Variants in BCAS3 observed in about 807,000 individuals in gnomAD.
BCAS3 encodes BCAS3 microtubule associated cell migration factor.
Under a neutral mutation model 116.1 loss-of-function variants are expected in BCAS3, and 53 were observed. The observed-to-expected ratio is 0.46, with a 90% CI of 0.37 to 0.57. The LOEUF (loss-of-function observed/expected upper bound fraction) is 0.57. BCAS3 is among the 20% of genes least tolerant of loss of function. BCAS3 has a pLI of 0.00. For synonymous variants in BCAS3, 391 were observed against 408.2 expected (o/e 0.96, Z 0.51); for missense variants, 917 against 1,165.4 (o/e 0.79, Z 3.10).
In BCAS3 at chr17:61,128,788, CT is replaced by C. The variant is rs2076178348; in HGVS notation, c.2425+44228del. 6.6e-6 allele frequency among the ~76,000 whole-genome samples: 1 copy of C among 152,092 alleles called. No homozygotes were observed. The highest frequency in any genetic ancestry group is 1.5e-5 in the Non-Finnish European group (1 of 68,012). On this transcript the variant is annotated intron_variant, in intron 22 of 23. Coordinates refer to ENST00000407086, the MANE Select transcript of BCAS3 (RefSeq NM_017679.5). This position sits in a 1 kb window ranked among gnomAD's most constrained non-coding sequence, Gnocchi z 4.1. ...TCCCCCAGGAAAAAAAAATCGGCAACTTTTGGTCTGTCACAAGGTCAAGTGA... is the reference window on the plus strand; with the variant it reads ...TCCCCCAGGAAAAAAAAATCGGCAACTTTGGTCTGTCACAAGGTCAAGTGA...
intron 6 of BCAS3, among the ~76,000 whole-genome samples, chr17:60,785,765 T>A (rs1051983717): frequency 1.3e-5 from 2 of 152,232 alleles, no homozygotes; most frequent in East Asian, 3.8e-4. Context: ...AAATCTCTGC[T>A]GTATTTAACA....
intron 22 of BCAS3, among the ~76,000 whole-genome samples, chr17:61,234,857 T>C (rs1341035830): frequency 6.6e-6 from 1 of 151,362 alleles, no homozygotes; most frequent in Non-Finnish European, 1.5e-5. Context: ...CACAAAGCAC[T>C]AGGCTTTGTC....
chr17:61,171,370 A>C lies in BCAS3; in HGVS notation c.2425+86806A>C, dbSNP rs1262365177. Among the ~76,000 whole-genome samples the C allele has an allele frequency of 3.3e-5, 5 of 151,922 alleles. No homozygotes were observed. The highest frequency in any genetic ancestry group is 1.3e-4 in the Admixed American group (2 of 15,248). Reference sequence around the variant, plus strand: ...AACAACACATGGGAACCAAAAAGAAAAAAATGGAACAAAGAATAAATGTAT... The same window carrying C: ...AACAACACATGGGAACCAAAAAGAACAAAATGGAACAAAGAATAAATGTAT... On this transcript the variant is annotated intron_variant, in intron 22 of 23. Transcript: ENST00000407086. This position sits in a 1 kb window ranked among gnomAD's most constrained non-coding sequence, Gnocchi z 4.1.
chr17:61,386,264 C>T (rs1311142783), intron 23 of BCAS3, among the ~76,000 whole-genome samples: 1 of 152,204 alleles, frequency 6.6e-6, no homozygotes, highest in East Asian at 1.9e-4. Flanking sequence ...CTAAACGCCT[C>T]CACCAACATG....
At chr17:60,687,493 A>G (rs900616162) in intron 3 of BCAS3, among the ~76,000 whole-genome samples, 4 of 152,150 alleles carry the variant, frequency 2.6e-5, no homozygotes, top group East Asian at 1.9e-4. Context: ...AGTCCCAGCT[A>G]TTTGGGAGGC....
rs1156471461 is a variant in BCAS3 at position 61,363,553 on chromosome 17, CTT to C, written c.2426-4758_2426-4757del. Among the ~76,000 whole-genome samples, 261 of 139,698 alleles carry C rather than the reference CTT, an allele frequency of 1.9e-3. 1 individual carries two copies. Among genetic ancestry groups the C allele is most frequent in the African/African-American group, 3.8e-3 (147 of 38,292 alleles). 91.6% of individuals were successfully genotyped at this position (139,698 alleles called of 152,430 possible). On this transcript the variant is annotated intron_variant, in intron 22 of 23. Coordinates refer to ENST00000407086, the MANE Select transcript of BCAS3 (RefSeq NM_017679.5). This position sits in a 1 kb window ranked among gnomAD's most constrained non-coding sequence, Gnocchi z 4.9. The stretch of plus-strand genomic sequence containing the variant: ...GTTTGGTGAAGTCACATAAGCTCCT[CTT>C]TTTTTTTTTTTTTTTAACTCACTCT...
chr17:61,003,875 T>C (rs2064457189), intron 15 of BCAS3: 1 of 152,170 alleles, frequency 6.6e-6, no homozygotes, highest in Admixed American at 6.6e-5. Context: ...CTTATAGGTA[T>C]CAGTGGTCTA....
chr17:60,964,398 T>C lies in BCAS3; in HGVS notation c.1221+17046T>C, dbSNP rs2061557387. 1.3e-5 allele frequency among the ~76,000 whole-genome samples: 2 copies of C among 152,334 alleles called. No homozygotes were observed. Among genetic ancestry groups the C allele is most frequent in the Middle Eastern group, 6.8e-3 (2 of 294 alleles). The stretch of plus-strand genomic sequence containing the variant: ...CTGGAATGAATCCCATTTGATATTA[T>C]AAATGATCTTTTTAGTGTGTTGTTG... On this transcript the variant is annotated intron_variant, in intron 14 of 23. Coordinates refer to ENST00000407086, the MANE Select transcript of BCAS3 (RefSeq NM_017679.5). This position sits in a 1 kb window ranked among gnomAD's most constrained non-coding sequence, Gnocchi z 4.6.
In BCAS3 at chr17:60,990,772, G is replaced by A. The variant is rs931174730; in HGVS notation, c.1486+537G>A. On this transcript the variant is annotated intron_variant, in intron 15 of 23. Coordinates refer to ENST00000407086, the MANE Select transcript of BCAS3 (RefSeq NM_017679.5). This position sits in a 1 kb window ranked among gnomAD's most constrained non-coding sequence, Gnocchi z 5.1. ...AGCAATTCTCCTGCCTCAGCCTCCC[G>A]AGCAGCTGGGATTACAGGCATCCGC... Among the ~76,000 whole-genome samples the A allele has an allele frequency of 3.3e-5, 5 of 151,532 alleles. No homozygotes were observed. The highest frequency in any genetic ancestry group is 3.9e-4 in the East Asian group (2 of 5,152).
intron 15 of BCAS3, among the ~76,000 whole-genome samples, chr17:60,991,579 A>C (rs1364763837): frequency 1.3e-5 from 2 of 152,166 alleles, no homozygotes; most frequent in African/African-American, 4.8e-5. Flanking sequence ...AAGATTGGGG[A>C]ATCTTATATA....
Position 61,220,168 on chromosome 17 carries a change from C to T in BCAS3, c.2425+135604C>T, listed in dbSNP as rs139804123. On this transcript the variant is annotated intron_variant, in intron 22 of 23. Coordinates refer to ENST00000407086, the MANE Select transcript of BCAS3 (RefSeq NM_017679.5). This position sits in a 1 kb window ranked among gnomAD's most constrained non-coding sequence, Gnocchi z 4.5. ...AATTAGCCAGGCGTGGTGGCAGGCG[C>T]CTCTAATCCCAGCTACTCAGGAGGC... Among the ~76,000 whole-genome samples the T allele has an allele frequency of 5.1e-4, 78 of 152,210 alleles. 1 individual carries two copies. In the East Asian group the frequency reaches 0.015, roughly 29 times the overall value.
intron 12 of BCAS3, among the ~76,000 whole-genome samples, chr17:60,911,705 G>C (rs1386628910): frequency 6.6e-6 from 1 of 152,194 alleles, no homozygotes; most frequent in Non-Finnish European, 1.5e-5. Context: ...AAAATGCTAG[G>C]ATTACAGGCA....
intron 6 of BCAS3, among the ~76,000 whole-genome samples, chr17:60,795,222 C>T (rs972647793): frequency 3.3e-5 from 5 of 152,002 alleles, no homozygotes; most frequent in Admixed American, 6.6e-5. Flanking sequence ...TCTTCTTGGT[C>T]GCTGTTGGTG....
In BCAS3 at chr17:60,697,582, CAAAA is replaced by C. The variant is rs758307797; in HGVS notation, c.214+7839_214+7842del. 4.6e-3 allele frequency among the ~76,000 whole-genome samples: 274 copies of C among 59,010 alleles called. 2 individuals are homozygous for C. The highest frequency in any genetic ancestry group is 0.012 in the African/African-American group (255 of 21,026). The allele number at this position is 59,010 out of a possible 152,430, so 38.7% of individuals were successfully genotyped here. A position where few individuals can be genotyped will look rare whatever the true frequency, so the allele number is the denominator to read the frequency against. On this transcript the variant is annotated intron_variant, in intron 4 of 23. Coordinates refer to ENST00000407086, the MANE Select transcript of BCAS3 (RefSeq NM_017679.5). ...TGGGTGACAGAGTGAGACTCTGTCT[CAAAA>C]AAAAAAAAAAAAAAAAAGATTCGGT...
intron 22 of BCAS3, among the ~76,000 whole-genome samples, chr17:61,194,849 T>G (rs2080382183): frequency 6.6e-6 from 1 of 152,152 alleles, no homozygotes; most frequent in Non-Finnish European, 1.5e-5. Flanking sequence ...TTAGGAAATA[T>G]CTTCACTTTC....
chr17:61,025,475 TA>T (rs2145569587), intron 16 of BCAS3, among the ~76,000 whole-genome samples: 1 of 152,178 alleles, frequency 6.6e-6, no homozygotes, highest in South Asian at 2.1e-4. Context: ...AACATTGAAA[TA>T]AAAATAGTAA....
At chr17:61,183,419 A>G (rs1348316091) in intron 22 of BCAS3, among the ~76,000 whole-genome samples, 2 of 151,922 alleles carry the variant, frequency 1.3e-5, no homozygotes, top group Non-Finnish European at 2.9e-5. Context: ...TATTCAATGT[A>G]ATATATTTTT....
chr17:60,778,468 T>C (rs2045509581), intron 6 of BCAS3, among the ~76,000 whole-genome samples: 1 of 152,224 alleles, frequency 6.6e-6, no homozygotes, highest in Non-Finnish European at 1.5e-5. Context: ...AATAAATCCT[T>C]ATTTTCAAAT....
At chr17:60,889,181 A>G (rs1213685351) in intron 9 of BCAS3, among the ~76,000 whole-genome samples, 1 of 152,224 alleles carries the variant, frequency 6.6e-6, no homozygotes, top group Non-Finnish European at 1.5e-5. Context: ...GTTCCCTAAC[A>G]TCTTTCTGTG....
Sources: allele counts gnomAD v4.1 joint callset (sites outside exome capture counted in the v4.1 genomes callset), GRCh38; gene constraint gnomAD v4.1.1; non-coding constraint Gnocchi (gnomAD v3.1); transcripts MANE v1.5; gene names NCBI Gene and HGNC (gene_info 2026-07-23, HGNC 2026-07-21).